WDPCP: variants seen among roughly 807,000 people sequenced by gnomAD.
WDPCP encodes the protein WD repeat-containing and planar cell polarity effector protein fritz homolog.
In WDPCP, 71 loss-of-function variants were observed where a neutral mutation model predicts 93.1. The observed-to-expected ratio is 0.76, with a 90% CI of 0.63 to 0.93. WDPCP has a LOEUF of 0.93. Among genes scored for constraint, WDPCP ranks in the 40% least tolerant of loss-of-function variants. The probability of loss-of-function intolerance (pLI) is 0.00; values close to 1 mark genes in which losing one functional copy is unlikely to be tolerated. For missense variants in WDPCP, 844 were observed against 887.4 expected (o/e 0.95, Z 0.62); for synonymous variants, 315 against 315.0 (o/e 1.00, Z 0.00).
At chr2:63,652,398 G>A (rs550878890) in intron 2 of WDPCP, among the ~76,000 whole-genome samples, 2 of 152,332 alleles carry the variant, frequency 1.3e-5, no homozygotes, top group Non-Finnish European at 2.9e-5. Context: ...AAAGCCCTCA[G>A]CTGAAGCAGA....
intron 3 of WDPCP, among the ~76,000 whole-genome samples, chr2:63,640,290 G>A (rs922810488): frequency 6.6e-6 from 1 of 152,190 alleles, no homozygotes; most frequent in Non-Finnish European, 1.5e-5. Flanking sequence ...TTACAGGTGT[G>A]AGCCACCATG....
intron 1 of WDPCP, among the ~76,000 whole-genome samples, chr2:63,536,603 C>T (rs546313653): frequency 8.7e-4 from 132 of 151,706 alleles, no homozygotes; most frequent in Admixed American, 2.7e-3. Flanking sequence ...AGCAAACTAT[C>T]GCAAGGACAG....
chr2:63,174,885 C>G (rs531230705), intron 14 of WDPCP, 53 bp from the exon 15 acceptor site: 1 of 1,573,862 alleles, frequency 6.4e-7, no homozygotes, highest in Non-Finnish European at 8.7e-7. Flanking sequence ...TTTCTGCTAA[C>G]TCCCTTATAA....
rs1181836097 is a variant in WDPCP at position 63,342,351 on chromosome 2, T to G, written c.1749-29040A>C. On this transcript the variant is annotated intron_variant, in intron 12 of 17. Transcript: ENST00000272321. ...TGTTTCAATCTTTGCCTTTTAAGTA[T>G]CAAATTTAATCTATTTACATTTAAA... Among the ~76,000 whole-genome samples the G allele has an allele frequency of 2.0e-5, 3 of 152,188 alleles. No individual in the cohort carries two copies. The East Asian group carries it at 5.8e-4, about 29-fold the overall frequency.
chr2:63,272,801 G>A (rs914725022), intron 13 of WDPCP, among the ~76,000 whole-genome samples: 3 of 152,120 alleles, frequency 2.0e-5, no homozygotes, highest in Non-Finnish European at 4.4e-5. Context: ...CCCAGAAGGC[G>A]ACAATATGGG....
intron 17 of WDPCP, among the ~76,000 whole-genome samples, chr2:63,128,931 G>A (rs1324385148): frequency 6.6e-6 from 1 of 152,210 alleles, no homozygotes; most frequent in Admixed American, 6.5e-5. Flanking sequence ...GCCTCTGAAA[G>A]TGCTGGGATT....
At chr2:63,496,998 GC>G (rs1223103449) in intron 1 of WDPCP, among the ~76,000 whole-genome samples, 1 of 149,822 alleles carries the variant, frequency 6.7e-6, no homozygotes, top group African/African-American at 2.5e-5. Flanking sequence ...TGTAATCCCA[GC>G]TACTTGGGAA....
intron 2 of WDPCP, among the ~76,000 whole-genome samples, chr2:63,692,531 C>T (rs1668905668): frequency 6.6e-6 from 1 of 152,130 alleles, no homozygotes; most frequent in East Asian, 1.9e-4. Context: ...GAATTAATTG[C>T]TGCTTTTAAG....
chr2:63,174,179 C>T (rs1020947887), intron 15 of WDPCP, among the ~76,000 whole-genome samples: 13 of 152,012 alleles, frequency 8.6e-5, no homozygotes, highest in Non-Finnish European at 1.8e-4. Flanking sequence ...CTTTAAATAA[C>T]ATTATTACTT....
chr2:63,138,365 C>T (rs72813412), intron 17 of WDPCP, among the ~76,000 whole-genome samples: 24,111 of 151,780 alleles, frequency 0.16, 2,547 homozygotes, highest in Admixed American at 0.22. Flanking sequence ...ACCTTGGCAA[C>T]GCCAGATATT....
intron 1 of WDPCP, among the ~76,000 whole-genome samples, chr2:63,826,422 A>T (rs182582746): frequency 3.9e-5 from 6 of 152,286 alleles, no homozygotes; most frequent in Admixed American, 3.9e-4. Flanking sequence ...TCTTGTCACC[A>T]GAATACTGTG....
chr2:63,566,847 C>T (rs773314452), intron 1 of WDPCP, among the ~76,000 whole-genome samples: 4 of 152,186 alleles, frequency 2.6e-5, no homozygotes, highest in Admixed American at 6.5e-5. Flanking sequence ...AGGGTTCCCA[C>T]GACCCCCTCC....
intron 2 of WDPCP, among the ~76,000 whole-genome samples, chr2:63,758,676 G>T (rs1670005576): frequency 1.3e-5 from 2 of 152,218 alleles, no homozygotes; most frequent in African/African-American, 2.4e-5. Context: ...CTGGGCTCAA[G>T]TGATCTGCCT....
chr2:63,433,783 T>C lies in WDPCP; in HGVS notation c.787A>G (p.Asn263Asp). The change falls in exon 9 of 18, where the codon AAT becomes GAT. Residue 263 changes from asparagine (N) to aspartate (D), a missense_variant. By Grantham distance (23) the Asn-to-Asp change is conservative (BLOSUM62 1). Coordinates refer to ENST00000272321, the MANE Select transcript of WDPCP (RefSeq NM_015910.7). The stretch of plus-strand genomic sequence containing the variant: ...TGAGCATAACCCAGGAGGAGTAGAT[T>C]GGCTCTGTCCTTCTCAGAAGAAATG... The part of the protein sequence containing the change: ...APISSEKDRA[N>D]LLLLGYAQGR... 6.2e-7 allele frequency: 1 copy of C among 1,613,772 alleles called. No homozygotes were observed. Among genetic ancestry groups the C allele is most frequent in the Non-Finnish European group, 8.5e-7 (1 of 1,179,838 alleles).
chr2:63,312,463 C>T (rs1686253648), intron 13 of WDPCP, among the ~76,000 whole-genome samples: 1 of 152,132 alleles, frequency 6.6e-6, no homozygotes, highest in South Asian at 2.1e-4. Context: ...ATTTAAACTA[C>T]AAAATGTCTT....
At chr2:63,815,856 C>A (rs1296160022) in intron 1 of WDPCP, among the ~76,000 whole-genome samples, 1 of 151,712 alleles carries the variant, frequency 6.6e-6, no homozygotes, top group African/African-American at 2.4e-5. Context: ...ACAATGGAGT[C>A]AAACTGTCTT....
At chr2:63,747,322 CTGTT>C (rs1481917889) in intron 2 of WDPCP, among the ~76,000 whole-genome samples, 27 of 152,054 alleles carry the variant, frequency 1.8e-4, no homozygotes, top group Admixed American at 5.9e-4. Context: ...AATCTTTCAC[CTGTT>C]TGTCTTTTTG....
intron 2 of WDPCP, among the ~76,000 whole-genome samples, chr2:63,737,194 TA>T (rs1396819301): frequency 6.6e-6 from 1 of 152,154 alleles, no homozygotes. Flanking sequence ...CCAAAAGCAC[TA>T]CCACCACTGT....
At chr2:63,409,328 C>A (rs1333639792) in intron 9 of WDPCP, among the ~76,000 whole-genome samples, 2 of 152,146 alleles carry the variant, frequency 1.3e-5, no homozygotes, top group Non-Finnish European at 2.9e-5. Flanking sequence ...TCACAGGAAG[C>A]CACATCCATA....
Sources: gnomAD v4.1 joint callset for allele counts (sites outside exome capture counted in the v4.1 genomes callset) on GRCh38, gnomAD v4.1.1 for gene constraint, MANE v1.5 for transcripts, NCBI Gene and HGNC (gene_info 2026-07-23, HGNC 2026-07-21) for gene names.